The following SLC40A1 variants were observed in gnomAD, a reference collection of about 807,000 sequenced individuals.
SLC40A1 encodes the protein ferroportin.
A neutral mutation model predicts 53.5 loss-of-function variants in SLC40A1; 16 were observed. That is an observed-to-expected ratio of 0.30 (90% CI 0.20 to 0.45). The LOEUF (loss-of-function observed/expected upper bound fraction) is 0.45, where lower values mean the gene tolerates loss of function less well. Among genes scored for constraint, SLC40A1 ranks in the 20% least tolerant of loss-of-function variants. The pLI is 1.00. For missense variants in SLC40A1, 545 were observed against 695.4 expected (o/e 0.78, Z 2.43); for synonymous variants, 247 against 253.2 (o/e 0.98, Z 0.23).
rs1364091073 is a variant in SLC40A1, at chr2:189,564,265, T to C, written c.761-40A>G. 4.4e-6 allele frequency: 7 copies of C among 1,592,786 alleles called. No homozygotes were observed. The African/African-American group carries it at 6.7e-5, about 15-fold the overall frequency. ...TACCATTATTTTGTTGGGGAGGACA[T>C]GTAGAAATAAAAGCCAATTATTAGT... On this transcript the variant is annotated intron_variant, in intron 6 of 7. Transcript: ENST00000261024.
At position 189,579,904 on chromosome 2, in the gene SLC40A1, C is replaced by G. The variant is rs1439816; in HGVS notation, c.44-24G>C. 1,322,221 of 1,612,528 alleles carry G rather than the reference C, an allele frequency of 0.82. 551,959 individuals are homozygous for G. The highest frequency in any genetic ancestry group is 0.85 in the Non-Finnish European group (1,007,238 of 1,178,802). ...TCCTGCAAAGACACAGGCGGGGTGA[C>G]AAAAAGCGATGGTAGTCACTTAATG... On this transcript the variant is annotated intron_variant, in intron 1 of 7. Coordinates refer to ENST00000261024, the MANE Select transcript of SLC40A1 (RefSeq NM_014585.6).
At chr2:189,572,751 C>G in intron 4 of SLC40A1, 95 bp downstream of exon 4, 1 of 841,926 alleles carries the variant, frequency 1.2e-6, no homozygotes, top group Non-Finnish European at 2.0e-6. Context: ...AAAGGTCACA[C>G]TGGCCAAAAA....
In SLC40A1 at chr2:189,580,400, T is replaced by TC. The variant is rs11568352; in HGVS notation, c.43+17dup. 16 of 1,613,538 alleles carry TC rather than the reference T, an allele frequency of 9.9e-6. No individual in the cohort carries two copies. In the Admixed American group the frequency reaches 2.2e-4, roughly 22 times the overall value. On this transcript the variant is annotated intron_variant, in intron 1 of 7. Transcript: ENST00000261024. ...CCACCTGGGTTTCCACCATATGCTT[T>TC]CGGTCAACGACACTCACCACAGCAT...
Position 189,580,767 on chromosome 2 carries a change from T to C in SLC40A1, c.-307A>G. The C allele has an allele frequency of 1.8e-6, 2 of 1,081,768 alleles. No individual in the cohort carries two copies. Among genetic ancestry groups the C allele is most frequent in the Middle Eastern group, 3.5e-4 (1 of 2,896 alleles). 67.0% of individuals were successfully genotyped at this position (1,081,768 alleles called of 1,614,324 possible). On this transcript the variant is annotated 5_prime_UTR_variant, in exon 1 of 8. Transcript: ENST00000261024. ...CCTAGCGGACGCCCTGAGCCAGCTC[T>C]CTCCGCCGCCGCCGCCGCCGCCGTG...
chr2:189,571,653 T>G, intron 5 of SLC40A1, 62 bp downstream of exon 5: 3 of 1,586,758 alleles, frequency 1.9e-6, no homozygotes, highest in Non-Finnish European at 2.6e-6. Flanking sequence ...GCCTCATTTA[T>G]CACCACCGAT....
intron 6 of SLC40A1, among the ~76,000 whole-genome samples, chr2:189,564,490 C>CA (rs1245962269): frequency 2.6e-5 from 4 of 151,900 alleles, no homozygotes; most frequent in Non-Finnish European, 5.9e-5. Context: ...ATTATACTCC[C>CA]ACCAAAGTAA....
chr2:189,572,476 A>T (rs1173223716), intron 4 of SLC40A1: 1 of 303,814 alleles, frequency 3.3e-6, no homozygotes, highest in Non-Finnish European at 6.3e-6. Flanking sequence ...TCCCAAACAG[A>T]AGTAACAATT....
intron 2 of SLC40A1, among the ~76,000 whole-genome samples, chr2:189,577,776 G>A (rs1390094039): frequency 1.3e-5 from 2 of 151,588 alleles, no homozygotes; most frequent in African/African-American, 2.4e-5. Context: ...ATGACACCTG[G>A]CTAATTTTTA....
chr2:189,562,044 G>T lies in SLC40A1; in HGVS notation c.1550C>A (p.Pro517His). 6.2e-7 allele frequency: 1 copy of T among 1,614,122 alleles called. No homozygotes were observed. The highest frequency in any genetic ancestry group is 2.2e-5 in the East Asian group (1 of 44,874). Residue 517 changes from proline to histidine, a missense_variant, in exon 8 of 8, where the codon CCT becomes CAT. Coordinates refer to ENST00000261024, the MANE Select transcript of SLC40A1 (RefSeq NM_014585.6). ...CAATACGAGCAAGCCAAAAGCTTCA[G>T]GATTTGGAGCCAGGATGACCATGAT... ...HFIMVILAPNPEAFGLLVLIS... is the reference protein window; with the variant it reads ...HFIMVILAPNHEAFGLLVLIS...
intron 2 of SLC40A1, among the ~76,000 whole-genome samples, chr2:189,577,926 C>T (rs1373521192): frequency 6.6e-6 from 1 of 152,094 alleles, no homozygotes; most frequent in Non-Finnish European, 1.5e-5. Flanking sequence ...CCACTTCTTA[C>T]ACTATATTGT....
intron 5 of SLC40A1, among the ~76,000 whole-genome samples, chr2:189,569,984 ACACACC>A (rs2031070730): frequency 1.4e-5 from 2 of 142,186 alleles, no homozygotes; most frequent in South Asian, 2.2e-4. Flanking sequence ...GTATATATAT[ACACACC>A]TATATATGTA....
In SLC40A1 at chr2:189,579,617, A is replaced by G. The variant is rs189753628; in HGVS notation, c.111+196T>C. On this transcript the variant is annotated intron_variant, in intron 2 of 7. Coordinates refer to ENST00000261024, the MANE Select transcript of SLC40A1 (RefSeq NM_014585.6). ...TCTACATAAACTACGATGATCTGAT[A>G]ATTAAGTTGCATTAACTAACACTCA... 3.9e-5 allele frequency among the ~76,000 whole-genome samples: 6 copies of G among 152,346 alleles called. No individual in the cohort carries two copies. The East Asian group carries it at 1.2e-3, about 29-fold the overall frequency.
At chr2:189,575,091 C>G in intron 3 of SLC40A1, 70 bp downstream of exon 3, 1 of 1,554,134 alleles carries the variant, frequency 6.4e-7, no homozygotes, top group South Asian at 1.1e-5. Context: ...TTTGTTGTTT[C>G]CTTTGCTACA....
chr2:189,579,833 C>T lies in SLC40A1; in HGVS notation c.91G>A (p.Gly31Ser). 1 of 1,613,990 alleles carries T rather than the reference C, an allele frequency of 6.2e-7. No individual in the cohort carries two copies. The highest frequency in any genetic ancestry group is 1.7e-5 in the Admixed American group (1 of 60,008). Residue 31 changes from glycine to serine, a missense_variant, in exon 2 of 8, where the codon GGT becomes AGT. Transcript: ENST00000261024. ...LTSAKFLLYL[G>S]HSLSTWGDRM... ...CTTACCCAAGTAGAGAGAGAATGAC[C>T]AAGGTAGAGAAGGAATTTTGCAGAG...
At position 189,580,698 on chromosome 2, in the gene SLC40A1, A is replaced by G; in HGVS notation, c.-238T>C. Reference sequence around the variant, plus strand: ...CACTGTAGCTGAAGTTGGAAAGGCAAAGCCTTATGGAAGCGGTTTGGGAGG... The same window carrying G: ...CACTGTAGCTGAAGTTGGAAAGGCAGAGCCTTATGGAAGCGGTTTGGGAGG... On this transcript the variant is annotated 5_prime_UTR_variant, in exon 1 of 8. Coordinates refer to ENST00000261024, the MANE Select transcript of SLC40A1 (RefSeq NM_014585.6). The G allele has an allele frequency of 6.9e-7, 1 of 1,452,386 alleles. No homozygotes were observed. The highest frequency in any genetic ancestry group is 2.7e-5 in the East Asian group (1 of 37,430). 90.0% of individuals were successfully genotyped at this position (1,452,386 alleles called of 1,614,324 possible).
At chr2:189,579,312 G>C (rs2031386062) in intron 2 of SLC40A1, among the ~76,000 whole-genome samples, 1 of 152,104 alleles carries the variant, frequency 6.6e-6, no homozygotes, top group South Asian at 2.1e-4. Context: ...TATTTGTTCT[G>C]GGGGTCATTT....
intron 4 of SLC40A1, chr2:189,572,398 C>T: frequency 3.7e-6 from 1 of 269,260 alleles, no homozygotes; most frequent in Non-Finnish European, 7.2e-6. Flanking sequence ...TATACCACAC[C>T]CCATCCCTCT....
At chr2:189,572,291 G>C (rs2031155530) in intron 4 of SLC40A1, among the ~76,000 whole-genome samples, 1 of 152,146 alleles carries the variant, frequency 6.6e-6, no homozygotes, top group African/African-American at 2.4e-5. Context: ...GAAGGGAATA[G>C]GCTCAAAGAT....
intron 5 of SLC40A1, among the ~76,000 whole-genome samples, chr2:189,569,473 T>C (rs1000228230): frequency 2.0e-5 from 3 of 152,222 alleles, no homozygotes; most frequent in Non-Finnish European, 4.4e-5. Flanking sequence ...AGGCAGCAGG[T>C]GGAGTCCCTT....
Sources: gnomAD v4.1 joint callset for allele counts (sites outside exome capture counted in the v4.1 genomes callset) on GRCh38, gnomAD v4.1.1 for gene constraint, MANE v1.5 for transcripts, NCBI Gene and HGNC (gene_info 2026-07-23, HGNC 2026-07-21) for gene names.